Variants in CYYR1 observed in about 807,000 individuals in gnomAD.
The protein encoded by CYYR1 is cysteine and tyrosine-rich protein 1.
A neutral mutation model predicts 15.2 loss-of-function variants in CYYR1; 14 were observed. That is an observed-to-expected ratio of 0.92 (90% CI 0.61 to 1.44). CYYR1 has a LOEUF of 1.44. CYYR1 is among the 40% of genes most tolerant of loss of function. CYYR1 has a pLI of 0.00. For missense variants in CYYR1, 228 were observed against 209.5 expected, an observed-to-expected ratio of 1.09 and a Z score of -0.54; for synonymous variants, 80 against 77.4, an observed-to-expected ratio of 1.03 and a Z score of -0.18.
intron 2 of CYYR1, among the ~76,000 whole-genome samples, chr21:26,504,825 T>G (rs1021877573): frequency 1.3e-5 from 2 of 152,142 alleles, no homozygotes; most frequent in African/African-American, 4.8e-5. Context: ...CTTCCCAGCC[T>G]CTGGTAACCA....
At chr21:26,565,471 TTTGAC>T (rs1980546370) in intron 2 of CYYR1, among the ~76,000 whole-genome samples, 1 of 152,180 alleles carries the variant, frequency 6.6e-6, no homozygotes, top group Non-Finnish European at 1.5e-5. Flanking sequence ...CCATGGGGAT[TTTGAC>T]TCAAGAAATT....
Position 26,573,185 on chromosome 21 carries a change from T to C in CYYR1, c.-245A>G. 1 of 1,467,860 alleles carries C rather than the reference T, an allele frequency of 6.8e-7. No homozygotes were observed. The highest frequency in any genetic ancestry group is 9.0e-7 in the Non-Finnish European group (1 of 1,107,420). The allele number at this position is 1,467,860 out of a possible 1,614,324, so 90.9% of individuals were successfully genotyped here. A position where few individuals can be genotyped will look rare whatever the true frequency, so the allele number is the denominator to read the frequency against. On this transcript the variant is annotated 5_prime_UTR_variant, in exon 1 of 4. Coordinates refer to ENST00000652641, the MANE Select transcript of CYYR1 (RefSeq NM_001320768.2). ...ACGGGCTGCGCTGGGGGCCCAGGTC[T>C]CTTTGTCTCGCCCCACTGCGCTCAG...
At chr21:26,534,646 C>T (rs996834178) in intron 2 of CYYR1, among the ~76,000 whole-genome samples, 1 of 152,136 alleles carries the variant, frequency 6.6e-6, no homozygotes, top group South Asian at 2.1e-4. Flanking sequence ...TCATGGACAT[C>T]CTCTTCCTAT....
intron 2 of CYYR1, among the ~76,000 whole-genome samples, chr21:26,519,136 T>C (rs1160318825): frequency 6.6e-6 from 1 of 152,216 alleles, no homozygotes. Flanking sequence ...AAATATTTAT[T>C]GAGAGCTTAC....
intron 2 of CYYR1, among the ~76,000 whole-genome samples, chr21:26,537,008 A>G (rs574030066): frequency 6.6e-6 from 1 of 152,306 alleles, no homozygotes; most frequent in South Asian, 2.1e-4. Flanking sequence ...ATGTTCTGTG[A>G]TGGAAAAGCA....
At chr21:26,495,029 G>C (rs760292533) in intron 2 of CYYR1, among the ~76,000 whole-genome samples, 5 of 152,180 alleles carry the variant, frequency 3.3e-5, no homozygotes, top group South Asian at 2.1e-4. Context: ...CAAAAGGAAA[G>C]AGGAACAACC....
intron 1 of CYYR1, among the ~76,000 whole-genome samples, chr21:26,569,703 A>G (rs915321241): frequency 3.9e-5 from 6 of 152,228 alleles, no homozygotes; most frequent in Non-Finnish European, 7.3e-5. Flanking sequence ...AAGTAACGTC[A>G]TGGGTGCCTT....
chr21:26,547,359 A>T (rs975890646), intron 2 of CYYR1, among the ~76,000 whole-genome samples: 1 of 152,212 alleles, frequency 6.6e-6, no homozygotes, highest in African/African-American at 2.4e-5. Context: ...AACTGAAGTC[A>T]TATGGGAGGA....
intron 2 of CYYR1, among the ~76,000 whole-genome samples, chr21:26,506,340 G>C (rs111746552): frequency 6.6e-6 from 1 of 152,130 alleles, no homozygotes; most frequent in Non-Finnish European, 1.5e-5. Flanking sequence ...CTGACATTGA[G>C]GGGGCTTTCT....
chr21:26,532,385 C>T (rs2065942946), intron 2 of CYYR1, among the ~76,000 whole-genome samples: 1 of 152,090 alleles, frequency 6.6e-6, no homozygotes, highest in Non-Finnish European at 1.5e-5. Context: ...CAGTGAGAGG[C>T]TTCTAAGACA....
At chr21:26,471,874 C>A (rs1392161710) in intron 3 of CYYR1, among the ~76,000 whole-genome samples, 2 of 152,066 alleles carry the variant, frequency 1.3e-5, no homozygotes, top group African/African-American at 4.8e-5. Context: ...GGCCATTTAT[C>A]CTCAACATCT....
chr21:26,500,757 C>T (rs74783830), intron 2 of CYYR1, among the ~76,000 whole-genome samples: 2 of 152,186 alleles, frequency 1.3e-5, no homozygotes, highest in South Asian at 2.1e-4. Context: ...GACCCACTGA[C>T]TGCTGGCCTC....
At chr21:26,498,667 C>A (rs1307439772) in intron 2 of CYYR1, among the ~76,000 whole-genome samples, 1 of 152,154 alleles carries the variant, frequency 6.6e-6, no homozygotes, top group Non-Finnish European at 1.5e-5. Flanking sequence ...ACTATATGGA[C>A]ATATCCAAGA....
chr21:26,554,995 A>G (rs1478960625), intron 2 of CYYR1, among the ~76,000 whole-genome samples: 1 of 152,052 alleles, frequency 6.6e-6, no homozygotes, highest in East Asian at 1.9e-4. Context: ...TATATATGTC[A>G]GGGGGGCAAG....
At chr21:26,561,243 C>T (rs1980174066) in intron 2 of CYYR1, among the ~76,000 whole-genome samples, 2 of 151,534 alleles carry the variant, frequency 1.3e-5, no homozygotes, top group Non-Finnish European at 2.9e-5. Flanking sequence ...TTGATTTCTT[C>T]AGTATGTACC....
chr21:26,554,654 G>A (rs1979642161), intron 2 of CYYR1, among the ~76,000 whole-genome samples: 1 of 152,164 alleles, frequency 6.6e-6, no homozygotes, highest in Admixed American at 6.5e-5. Context: ...AGTCCAGAGA[G>A]CCAGAGAGAC....
intron 2 of CYYR1, among the ~76,000 whole-genome samples, chr21:26,497,681 C>T (rs1010289243): frequency 6.6e-6 from 1 of 152,116 alleles, no homozygotes; most frequent in Non-Finnish European, 1.5e-5. Context: ...GACCCATATC[C>T]ATATGACCCA....
intron 2 of CYYR1, among the ~76,000 whole-genome samples, chr21:26,507,773 G>T: frequency 6.6e-6 from 1 of 152,164 alleles, no homozygotes; most frequent in East Asian, 1.9e-4. Context: ...TGAAGGAAAT[G>T]ACAATAAATG....
rs75337598 is a variant in CYYR1 at position 26,570,856 on chromosome 21, A to G, written c.73+2012T>C. Among the ~76,000 whole-genome samples, 23 of 152,282 alleles carry G rather than the reference A, an allele frequency of 1.5e-4. No individual in the cohort carries two copies. The East Asian group carries it at 3.3e-3, about 22-fold the overall frequency. ...CAGATCTTGATTTTTGACTTTGATC[A>G]CACGATATCCTACTATATCCCACTC... On this transcript the variant is annotated intron_variant, in intron 1 of 3. Coordinates refer to ENST00000652641, the MANE Select transcript of CYYR1 (RefSeq NM_001320768.2).
Sources: allele counts gnomAD v4.1 joint callset (sites outside exome capture counted in the v4.1 genomes callset), GRCh38; gene constraint gnomAD v4.1.1; transcripts MANE v1.5; gene names NCBI Gene and HGNC (gene_info 2026-07-23, HGNC 2026-07-21).